The following CACNB4 variants were observed in gnomAD, a reference collection of about 807,000 sequenced individuals.
CACNB4 encodes voltage-dependent L-type calcium channel subunit beta-4.
A neutral mutation model predicts 71.2 loss-of-function variants in CACNB4; 32 were observed. That is an observed-to-expected ratio of 0.45 (90% CI 0.34 to 0.60). CACNB4 has a LOEUF of 0.60. Among genes scored for constraint, CACNB4 ranks in the 20% least tolerant of loss-of-function variants. The pLI, the probability that CACNB4 is intolerant of heterozygous loss-of-function variation, is 0.01. For synonymous variants in CACNB4, 231 were observed against 236.9 expected (o/e 0.97, Z 0.23); for missense variants, 464 against 647.9 (o/e 0.72, Z 3.08).
intron 2 of CACNB4, among the ~76,000 whole-genome samples, chr2:151,947,616 C>T (rs1391735280): frequency 2.6e-5 from 4 of 152,156 alleles, no homozygotes; most frequent in South Asian, 2.1e-4. Context: ...GTTTACTGCA[C>T]GGCTCCCTTG....
At position 152,064,626 on chromosome 2, in the gene CACNB4, G is replaced by A. The variant is rs537657487; in HGVS notation, c.147+33704C>T. Reference sequence around the variant, plus strand: ...TCAAACTCCTGACCTCAAGTGATCCGCCCACCTTGGCCTCCCAAAGTGCTG... The same window carrying A: ...TCAAACTCCTGACCTCAAGTGATCCACCCACCTTGGCCTCCCAAAGTGCTG... On this transcript the variant is annotated intron_variant, in intron 2 of 13. Coordinates refer to ENST00000539935, the MANE Select transcript of CACNB4 (RefSeq NM_000726.5). 5.9e-4 allele frequency among the ~76,000 whole-genome samples: 89 copies of A among 152,098 alleles called. 1 individual carries two copies. The East Asian group carries it at 0.015, about 26-fold the overall frequency.
intron 2 of CACNB4, among the ~76,000 whole-genome samples, chr2:152,045,679 T>A (rs111669454): frequency 6.6e-6 from 1 of 152,034 alleles, no homozygotes; most frequent in African/African-American, 2.4e-5. Context: ...GTCTTATAAG[T>A]AGCCTCTTCT....
chr2:151,955,915 T>C (rs1178957490), intron 2 of CACNB4, among the ~76,000 whole-genome samples: 1 of 87,146 alleles, frequency 1.1e-5, no homozygotes, highest in African/African-American at 3.4e-5. Context: ...AAATAAAAAA[T>C]AGAAAAAAAA....
chr2:151,989,108 T>C (rs745378099), intron 2 of CACNB4, among the ~76,000 whole-genome samples: 1 of 152,238 alleles, frequency 6.6e-6, no homozygotes, highest in Non-Finnish European at 1.5e-5. Context: ...TCTTCTCACC[T>C]GTGTTTGGAA....
chr2:152,019,040 C>A (rs1279917313), intron 2 of CACNB4, among the ~76,000 whole-genome samples: 2 of 152,132 alleles, frequency 1.3e-5, no homozygotes, highest in African/African-American at 4.8e-5. Flanking sequence ...GGGGAATTCA[C>A]ACACCACAGT....
chr2:152,025,028 C>G (rs1210301671), intron 2 of CACNB4, among the ~76,000 whole-genome samples: 1 of 152,146 alleles, frequency 6.6e-6, no homozygotes, highest in Non-Finnish European at 1.5e-5. Context: ...TGTACTCCAG[C>G]CTGGGCAACA....
chr2:151,976,829 G>A (rs901609972), intron 2 of CACNB4, among the ~76,000 whole-genome samples: 8 of 152,148 alleles, frequency 5.3e-5, no homozygotes, highest in East Asian at 3.8e-4. Context: ...GGAGCTTCCC[G>A]AGCCTGTTTC....
intron 2 of CACNB4, among the ~76,000 whole-genome samples, chr2:152,072,605 G>C (rs1380060728): frequency 1.3e-5 from 2 of 151,646 alleles, no homozygotes; most frequent in Non-Finnish European, 2.9e-5. Flanking sequence ...AAAACCTTAT[G>C]ATGAGGCACA....
At chr2:151,976,822 G>C (rs2099873892) in intron 2 of CACNB4, among the ~76,000 whole-genome samples, 1 of 152,168 alleles carries the variant, frequency 6.6e-6, no homozygotes, top group South Asian at 2.1e-4. Flanking sequence ...GTCCCTGGGA[G>C]CTTCCCGAGC....
chr2:152,082,090 A>G (rs946610540), intron 2 of CACNB4, among the ~76,000 whole-genome samples: 2 of 152,186 alleles, frequency 1.3e-5, no homozygotes, highest in Non-Finnish European at 2.9e-5. Flanking sequence ...TCCTCAGCAG[A>G]CTTCCTCTTA....
intron 2 of CACNB4, among the ~76,000 whole-genome samples, chr2:152,080,323 A>G (rs1312230681): frequency 6.6e-6 from 1 of 151,944 alleles, no homozygotes; most frequent in Admixed American, 6.6e-5. Context: ...GGGTTTCACT[A>G]TGTTAGTCAG....
chr2:152,045,545 T>C (rs985117112), intron 2 of CACNB4, among the ~76,000 whole-genome samples: 1 of 152,144 alleles, frequency 6.6e-6, no homozygotes, highest in African/African-American at 2.4e-5. Context: ...CTGCATCTAA[T>C]GTACTTAGTG....
intron 5 of CACNB4, chr2:151,874,848 C>A: frequency 2.5e-6 from 1 of 397,340 alleles, no homozygotes; most frequent in South Asian, 1.3e-4. Flanking sequence ...TGCTTGTGTT[C>A]CTGGGACCTT....
intron 2 of CACNB4, among the ~76,000 whole-genome samples, chr2:151,997,417 C>T (rs1682116477): frequency 6.6e-6 from 1 of 152,052 alleles, no homozygotes; most frequent in South Asian, 2.1e-4. Context: ...GCCTCTAGTC[C>T]CAGCTGCTCA....
intron 2 of CACNB4, among the ~76,000 whole-genome samples, chr2:152,029,376 C>T (rs1684141211): frequency 6.6e-6 from 1 of 151,650 alleles, no homozygotes; most frequent in Admixed American, 6.6e-5. Flanking sequence ...CACCTGTAAT[C>T]CCAGCTACTC....
intron 2 of CACNB4, among the ~76,000 whole-genome samples, chr2:151,938,525 G>A (rs1207175615): frequency 6.6e-6 from 1 of 152,124 alleles, no homozygotes; most frequent in African/African-American, 2.4e-5. Context: ...ATGAGCACAG[G>A]GTATCATTGG....
In CACNB4 at chr2:152,040,654, C is replaced by T. The variant is rs544735517; in HGVS notation, c.147+57676G>A. Among the ~76,000 whole-genome samples, 10 of 152,276 alleles carry T rather than the reference C, an allele frequency of 6.6e-5. No homozygotes were observed. The East Asian group carries it at 1.9e-3, about 29-fold the overall frequency. ...ACGAGGTTTCACCATGTTGACCAGG[C>T]TGGTTTGAACTCCTGACCTCAGGTG... is the stretch of plus-strand genomic sequence containing the variant. On this transcript the variant is annotated intron_variant, in intron 2 of 13. Transcript: ENST00000539935.
chr2:152,021,913 G>A (rs1425719454), intron 2 of CACNB4, among the ~76,000 whole-genome samples: 1 of 152,046 alleles, frequency 6.6e-6, no homozygotes, highest in African/African-American at 2.4e-5. Context: ...TTCTTGAAAA[G>A]ATTTTCTCTA....
intron 2 of CACNB4, among the ~76,000 whole-genome samples, chr2:152,000,495 T>G (rs4664518): frequency 6.6e-6 from 1 of 152,032 alleles, no homozygotes; most frequent in African/African-American, 2.4e-5. Flanking sequence ...GAACATGATA[T>G]TCCATATATG....
Sources: gnomAD v4.1 joint callset for allele counts (sites outside exome capture counted in the v4.1 genomes callset) on GRCh38, gnomAD v4.1.1 for gene constraint, MANE v1.5 for transcripts, NCBI Gene and HGNC (gene_info 2026-07-23, HGNC 2026-07-21) for gene names.